ANKRD62: variants seen among roughly 807,000 people sequenced by gnomAD.
The protein encoded by ANKRD62 is ankyrin repeat domain 62, also known as ankyrin repeat domain-containing protein 62.
ANKRD62 carries 61 observed loss-of-function variants against 98.8 expected under a neutral mutation model. That is an observed-to-expected ratio of 0.62 (90% CI 0.50 to 0.76). The LOEUF (loss-of-function observed/expected upper bound fraction) is 0.76, where lower values mean the gene tolerates loss of function less well. Ranked by LOEUF, ANKRD62 falls within the 30% of genes least tolerant of loss-of-function variation. The probability of loss-of-function intolerance (pLI) is 0.00; values close to 1 mark genes in which losing one functional copy is unlikely to be tolerated. For synonymous variants in ANKRD62, 341 were observed against 367.9 expected, an observed-to-expected ratio of 0.93 and a Z score of 0.84; for missense variants, 933 against 1,082.9, an observed-to-expected ratio of 0.86 and a Z score of 1.94.
At chr18:12,176,499 G>A in the ANKRD62 span, among the ~76,000 whole-genome samples, 21 of 128,980 alleles carry the variant, frequency 1.6e-4, 1 homozygote, top group Non-Finnish European at 2.8e-4. Context: ...CAGAAATAGT[G>A]GCTACATTTT....
chr18:12,164,514 C>T, the ANKRD62 span, among the ~76,000 whole-genome samples: 3 of 151,570 alleles, frequency 2.0e-5, no homozygotes, highest in African/African-American at 7.3e-5. Context: ...ATTTTTATAT[C>T]TTCCACTAAT....
chr18:12,150,196 A>T, the ANKRD62 span, among the ~76,000 whole-genome samples: 1 of 152,234 alleles, frequency 6.6e-6, no homozygotes, highest in Non-Finnish European at 1.5e-5. Context: ...CTAGCTGAGA[A>T]AAGAATTTCA....
intron 8 of ANKRD62, among the ~76,000 whole-genome samples, 168 bp from the exon 9 acceptor site, chr18:12,114,920 T>C (rs1568062862): frequency 6.6e-6 from 1 of 151,900 alleles, no homozygotes; most frequent in Non-Finnish European, 1.5e-5. Flanking sequence ...TTTCCCCTTG[T>C]AAAAAAAATT....
intron 6 of ANKRD62, chr18:12,102,274 T>C (rs1568059174): frequency 6.6e-6 from 5 of 754,104 alleles, no homozygotes; most frequent in Admixed American, 1.8e-5. Flanking sequence ...CTCTCACTAG[T>C]CCAGTGGAGA....
chr18:12,161,271 C>A, the ANKRD62 span, among the ~76,000 whole-genome samples: 1 of 151,988 alleles, frequency 6.6e-6, no homozygotes, highest in South Asian at 2.1e-4. Context: ...ATTGTTAATA[C>A]CTTACAAAAT....
intron 6 of ANKRD62, chr18:12,102,773 G>A: frequency 1.0e-6 from 1 of 998,526 alleles, no homozygotes; most frequent in Non-Finnish European, 1.2e-6. Flanking sequence ...AGCAGGTTTA[G>A]TGTGTTATTA....
At chr18:12,117,176 A>C (rs1320471306) in intron 10 of ANKRD62, among the ~76,000 whole-genome samples, 1 of 152,100 alleles carries the variant, frequency 6.6e-6, no homozygotes, top group Non-Finnish European at 1.5e-5. Flanking sequence ...ATTTGATCCG[A>C]TTTTCTACAT....
the ANKRD62 span, among the ~76,000 whole-genome samples, chr18:12,172,280 A>C: frequency 1.3e-5 from 2 of 151,988 alleles, no homozygotes. Flanking sequence ...GGTTTTATCT[A>C]CCTTTGGTGT....
chr18:12,121,863 G>C (rs6505719), intron 10 of ANKRD62, among the ~76,000 whole-genome samples: 128,493 of 152,108 alleles, frequency 0.84, 54,702 homozygotes, highest in Middle Eastern at 0.97. Flanking sequence ...TCCCTCTTGG[G>C]TGGAAGCAGA....
At chr18:12,176,505 A>G in the ANKRD62 span, among the ~76,000 whole-genome samples, 2 of 128,528 alleles carry the variant, frequency 1.6e-5, no homozygotes, top group Non-Finnish European at 3.3e-5. Flanking sequence ...TAGTGGCTAC[A>G]TTTTTGAAAG....
At chr18:12,135,922 C>A in the ANKRD62 span, among the ~76,000 whole-genome samples, 3 of 152,038 alleles carry the variant, frequency 2.0e-5, no homozygotes, top group Non-Finnish European at 2.9e-5. Flanking sequence ...TGTTTGAGTT[C>A]TTTGTAGATT....
chr18:12,169,341 AG>A, the ANKRD62 span, among the ~76,000 whole-genome samples: 8 of 152,344 alleles, frequency 5.3e-5, 1 homozygote, highest in Middle Eastern at 6.8e-3. Context: ...TTTAGCATGA[AG>A]GGCTGTTGAA....
In ANKRD62 at chr18:12,095,487, C is replaced by T. The variant is rs1168013559; in HGVS notation, c.384C>T (p.Gly128=). 3 of 1,574,646 alleles carry T rather than the reference C, an allele frequency of 1.9e-6. No individual in the cohort carries two copies. The highest frequency in any genetic ancestry group is 2.3e-5 in the East Asian group (1 of 43,946). The change falls in exon 3 of 14, where the codon GGC becomes GGT. Residue 128 remains glycine, a synonymous_variant. Transcript: ENST00000587848. Reference sequence around the variant, plus strand: ...GTGCATCCATCCTGCTGGAACATGGCGCCAACCCAAATGTTAGAGATATGT... The same window carrying T: ...GTGCATCCATCCTGCTGGAACATGGTGCCAACCCAAATGTTAGAGATATGT... ...EVCASILLEH[G]ANPNVRDMYG... is the part of the protein sequence containing the mutation.
chr18:12,138,540 G>A, the ANKRD62 span, among the ~76,000 whole-genome samples: 2 of 152,306 alleles, frequency 1.3e-5, no homozygotes, highest in African/African-American at 4.8e-5. Flanking sequence ...GGGGTGGAGA[G>A]TTCTGTAGAT....
intron 10 of ANKRD62, among the ~76,000 whole-genome samples, chr18:12,116,416 A>G (rs1248752697): frequency 2.0e-5 from 3 of 152,248 alleles, no homozygotes; most frequent in Non-Finnish European, 2.9e-5. Context: ...TGTTCACCTC[A>G]TATACACAAA....
At chr18:12,107,517 A>C in intron 8 of ANKRD62, 50 bp downstream of exon 8, 1 of 1,286,448 alleles carries the variant, frequency 7.8e-7, no homozygotes, top group South Asian at 2.4e-5. Flanking sequence ...TTGTACTATA[A>C]AATGAATTCT....
In ANKRD62 at chr18:12,126,188, G is replaced by A. The variant is rs753359193; in HGVS notation, c.2367G>A (p.Gln789=). The A allele has an allele frequency of 1.6e-5, 25 of 1,535,972 alleles. No homozygotes were observed. Among genetic ancestry groups the A allele is most frequent in the Admixed American group, 2.0e-5 (1 of 50,976 alleles). ...LQSQNLLYQQ[Q]CNDARKKADN... ...GCCAAAATCTGTTGTATCAACAGCA[G>A]TGTAATGATGCTCGCAAGAAAGCTG... The change falls in exon 13 of 14, where the codon CAG becomes CAA. Residue 789 remains glutamine, a synonymous_variant. Transcript: ENST00000587848.
At chr18:12,169,272 C>T in the ANKRD62 span, among the ~76,000 whole-genome samples, 2 of 152,148 alleles carry the variant, frequency 1.3e-5, no homozygotes, top group Non-Finnish European at 2.9e-5. Flanking sequence ...GTGGGTTTAT[C>T]ATAGATAGCT....
Position 12,125,559 on chromosome 18 carries a change from C to T in ANKRD62, c.1738C>T (p.His580Tyr), listed in dbSNP as rs1301759523. Residue 580 changes from histidine to tyrosine, a missense_variant, in exon 13 of 14, where the codon CAT becomes TAT. Transcript: ENST00000587848. ...CAGGCTGGAAATAGACACAATAAAA[C>T]ATCAGAACCAGGAAACTGAAAATAA... ...RLRLEIDTIK[H>Y]QNQETENKYF... The T allele has an allele frequency of 1.3e-6, 2 of 1,527,470 alleles. No homozygotes were observed. The highest frequency in any genetic ancestry group is 1.7e-6 in the Non-Finnish European group (2 of 1,144,116). The allele number at this position is 1,527,470 out of a possible 1,614,324, so 94.6% of individuals were successfully genotyped here. A position where few individuals can be genotyped will look rare whatever the true frequency, so the allele number is the denominator to read the frequency against.
Sources: allele counts gnomAD v4.1 joint callset (sites outside exome capture counted in the v4.1 genomes callset), GRCh38; gene constraint gnomAD v4.1.1; transcripts MANE v1.5; gene names NCBI Gene and HGNC (gene_info 2026-07-23, HGNC 2026-07-21).